The following ZNF429 variants were observed in gnomAD, a reference collection of about 807,000 sequenced individuals.
ZNF429 encodes the protein zinc finger protein 429.
A neutral mutation model predicts 56.8 loss-of-function variants in ZNF429; 53 were observed. The observed-to-expected ratio is 0.93, with a 90% CI of 0.75 to 1.17. ZNF429 has a LOEUF of 1.17. ZNF429 is among the 50% of genes most tolerant of loss of function. The pLI, the probability that ZNF429 is intolerant of heterozygous loss-of-function variation, is 0.00. For synonymous variants in ZNF429, 278 were observed against 264.7 expected (o/e 1.05, Z -0.49); for missense variants, 849 against 788.4 (o/e 1.08, Z -0.92).
At chr19:21,529,632 C>T in intron 1 of ZNF429, 26 bp from the exon 2 acceptor site, 2 of 1,484,598 alleles carry the variant, frequency 1.3e-6, no homozygotes, top group Admixed American at 2.2e-5. Context: ...TTTCTCTCTC[C>T]TTCTGTTGGT....
chr19:21,523,464 A>G (rs893483954), intron 1 of ZNF429, among the ~76,000 whole-genome samples: 2 of 152,346 alleles, frequency 1.3e-5, no homozygotes, highest in East Asian at 1.9e-4. Context: ...TTTGAACCAT[A>G]TAGTTATCTC....
chr19:21,511,117 T>C (rs1367404909), intron 1 of ZNF429, among the ~76,000 whole-genome samples: 2 of 151,778 alleles, frequency 1.3e-5, no homozygotes, highest in African/African-American at 2.4e-5. Flanking sequence ...GACGGGGTGG[T>C]GGCCGGGCAG....
intron 2 of ZNF429, among the ~76,000 whole-genome samples, chr19:21,530,277 T>C: frequency 2.0e-5 from 3 of 152,136 alleles, no homozygotes; most frequent in Non-Finnish European, 2.9e-5. Context: ...ACTTTCCATA[T>C]TCCTGAGCTG....
chr19:21,515,141 A>G (rs1373419668), intron 1 of ZNF429, among the ~76,000 whole-genome samples: 3 of 149,600 alleles, frequency 2.0e-5, no homozygotes, highest in Admixed American at 6.7e-5. Context: ...GGGTTTCTCC[A>G]TGTTGGCCAG....
Position 21,505,718 on chromosome 19 carries a change from G to A in ZNF429, c.-54G>A, listed in dbSNP as rs912414342. ...CCCAGCCTGTGTGGCCCTGTGACCC[G>A]CAGATATTGGGAGATACACAGCTAA... On this transcript the variant is annotated 5_prime_UTR_variant, in exon 1 of 4. Transcript: ENST00000358491. The A allele has an allele frequency of 9.4e-6, 15 of 1,594,704 alleles. No individual in the cohort carries two copies. The African/African-American group carries it at 2.0e-4, about 21-fold the overall frequency.
rs757830372 is a variant in ZNF429 at position 21,538,089 on chromosome 19, C to A, written c.*11C>A. ...GACCGTCCTGGCTAACATGGTGAAA[C>A]CCCGTCTCTACTAAAAATACAAAAA... On this transcript the variant is annotated 3_prime_UTR_variant, in exon 4 of 4. Transcript: ENST00000358491. 7.8e-6 allele frequency: 8 copies of A among 1,023,864 alleles called. No homozygotes were observed. The highest frequency in any genetic ancestry group is 7.5e-5 in the East Asian group (3 of 40,116). 63.4% of individuals were successfully genotyped at this position (1,023,864 alleles called of 1,614,324 possible).
At chr19:21,516,885 C>T (rs1425318615) in intron 1 of ZNF429, among the ~76,000 whole-genome samples, 1 of 152,196 alleles carries the variant, frequency 6.6e-6, no homozygotes, top group Non-Finnish European at 1.5e-5. Context: ...ATGTCATCTG[C>T]AAACAGGGTT....
At chr19:21,530,190 C>CA in intron 2 of ZNF429, among the ~76,000 whole-genome samples, 1,151 of 58,870 alleles carry the variant, frequency 0.02, 12 homozygotes, top group African/African-American at 0.044. Context: ...GACTCCATCT[C>CA]AAAAAAAAAA....
chr19:21,527,071 T>C (rs1725863183), intron 1 of ZNF429, among the ~76,000 whole-genome samples: 1 of 152,208 alleles, frequency 6.6e-6, no homozygotes, highest in Non-Finnish European at 1.5e-5. Flanking sequence ...TCTTCATTTG[T>C]ATCAGAACTT....
intron 1 of ZNF429, among the ~76,000 whole-genome samples, chr19:21,512,401 G>A (rs190338328): frequency 5.3e-5 from 8 of 151,990 alleles, no homozygotes; most frequent in South Asian, 2.1e-4. Context: ...GGCCATGCGC[G>A]GTAATTTCAG....
At chr19:21,511,505 T>C (rs1187954605) in intron 1 of ZNF429, among the ~76,000 whole-genome samples, 1 of 149,930 alleles carries the variant, frequency 6.7e-6, no homozygotes, top group Non-Finnish European at 1.5e-5. Flanking sequence ...TGCTCCTCAC[T>C]TCCTAGATGG....
Position 21,511,681 on chromosome 19 carries a change from C to T in ZNF429, c.3+5907C>T, listed in dbSNP as rs575547400. The stretch of plus-strand genomic sequence containing the variant: ...CTCACTTCCCAGACGGGGTGGCGGC[C>T]GGGCAGAGGCTGCAATCTCGGCACT... On this transcript the variant is annotated intron_variant, in intron 1 of 3. Coordinates refer to ENST00000358491, the MANE Select transcript of ZNF429 (RefSeq NM_001001415.4). Among the ~76,000 whole-genome samples, 38 of 151,696 alleles carry T rather than the reference C, an allele frequency of 2.5e-4. No individual in the cohort carries two copies. In the East Asian group the frequency reaches 4.7e-3, roughly 19 times the overall value.
intron 1 of ZNF429, among the ~76,000 whole-genome samples, chr19:21,508,214 G>A (rs950855930): frequency 6.6e-6 from 1 of 151,050 alleles, no homozygotes; most frequent in East Asian, 1.9e-4. Flanking sequence ...TTGCACTCCA[G>A]CCTGTGCAAC....
At chr19:21,507,131 A>G (rs1486622269) in intron 1 of ZNF429, among the ~76,000 whole-genome samples, 1 of 152,042 alleles carries the variant, frequency 6.6e-6, no homozygotes, top group Non-Finnish European at 1.5e-5. Context: ...ATTGCCTACC[A>G]CTTAACTATT....
intron 1 of ZNF429, among the ~76,000 whole-genome samples, chr19:21,523,340 C>G (rs142607073): frequency 6.6e-6 from 1 of 152,176 alleles, no homozygotes; most frequent in Non-Finnish European, 1.5e-5. Flanking sequence ...AAAGTTATTG[C>G]GGTTTTACCA....
chr19:21,529,551 A>C, intron 1 of ZNF429, 107 bp from the exon 2 acceptor site: 16 of 1,204,134 alleles, frequency 1.3e-5, no homozygotes, highest in Non-Finnish European at 1.6e-5. Flanking sequence ...AGTTCTCTTT[A>C]CTCTCTCATT....
intron 3 of ZNF429, among the ~76,000 whole-genome samples, chr19:21,531,149 C>T: frequency 4.8e-5 from 7 of 146,850 alleles, no homozygotes; most frequent in Admixed American, 2.0e-4. Context: ...AAAAAACACC[C>T]GTCTTGGTGA....
rs539545648 is a variant in ZNF429, at chr19:21,506,760, G to GTTTTTTTTTTT, written c.3+992_3+993insTTTTTTTTTTT. Among the ~76,000 whole-genome samples the GTTTTTTTTTTT allele has an allele frequency of 4.1e-4, 49 of 119,652 alleles. 3 individuals carry two copies. The highest frequency in any genetic ancestry group is 5.0e-4 in the Non-Finnish European group (29 of 58,118). The allele number at this position is 119,652 out of a possible 152,430, so 78.5% of individuals were successfully genotyped here. A position where few individuals can be genotyped will look rare whatever the true frequency, so the allele number is the denominator to read the frequency against. On this transcript the variant is annotated intron_variant, in intron 1 of 3. Transcript: ENST00000358491. ...TACAAAAAAAAAAGCATTTGAGTTA[G>GTTTTTTTTTTT]TTTTTTGTTTTTTTTTTTTTTTTTT...
intron 1 of ZNF429, among the ~76,000 whole-genome samples, chr19:21,515,661 C>A (rs1378815889): frequency 6.6e-6 from 1 of 151,918 alleles, no homozygotes; most frequent in Non-Finnish European, 1.5e-5. Flanking sequence ...CTTTTGGTAT[C>A]TTCATCATAA....
Sources: gnomAD v4.1 joint callset for allele counts (sites outside exome capture counted in the v4.1 genomes callset) on GRCh38, gnomAD v4.1.1 for gene constraint, MANE v1.5 for transcripts, NCBI Gene and HGNC (gene_info 2026-07-23, HGNC 2026-07-21) for gene names.